PTPRM: variants seen among roughly 807,000 people sequenced by gnomAD.
PTPRM encodes receptor-type tyrosine-protein phosphatase mu.
PTPRM carries 47 observed loss-of-function variants against 186.7 expected under a neutral mutation model. The ratio of observed to expected loss-of-function variants is 0.25; its 90% CI spans 0.20 to 0.32. PTPRM has a LOEUF of 0.32. Among genes scored for constraint, PTPRM ranks in the 10% least tolerant of loss-of-function variants. The pLI, the probability that PTPRM is intolerant of heterozygous loss-of-function variation, is 1.00. For missense variants in PTPRM, 1,494 were observed against 1,865.0 expected (o/e 0.80, Z 3.66); for synonymous variants, 668 against 674.9 (o/e 0.99, Z 0.16).
At chr18:8,304,965 T>C (rs1393844103) in intron 20 of PTPRM, among the ~76,000 whole-genome samples, 1 of 152,184 alleles carries the variant, frequency 6.6e-6, no homozygotes. Flanking sequence ...CTCCAGATTT[T>C]ATCCCCTGCA....
intron 29 of PTPRM, among the ~76,000 whole-genome samples, chr18:8,381,193 T>A (rs1187251032): frequency 6.6e-6 from 1 of 152,040 alleles, no homozygotes; most frequent in Non-Finnish European, 1.5e-5. Flanking sequence ...ATTAGCACAG[T>A]GGTCCTTTAG....
intron 7 of PTPRM, among the ~76,000 whole-genome samples, chr18:8,002,117 T>C (rs1052201537): frequency 3.3e-5 from 5 of 152,200 alleles, no homozygotes; most frequent in African/African-American, 1.2e-4. Context: ...ATTCACACTC[T>C]ATCTAGATTT....
In PTPRM at chr18:7,827,324, C is replaced by G. The variant is rs139138752; in HGVS notation, c.196+53053C>G. Among the ~76,000 whole-genome samples the G allele has an allele frequency of 2.3e-3, 346 of 152,198 alleles. 1 individual carries two copies. Among genetic ancestry groups the G allele is most frequent in the African/African-American group, 8.0e-3 (331 of 41,520 alleles). ...CCCTTATTTTTCTTCTCATAGCTGT[C>G]GAATCGATTTCATTAAAGATAGCTG... On this transcript the variant is annotated intron_variant, in intron 2 of 32. Coordinates refer to ENST00000580170, the MANE Select transcript of PTPRM (RefSeq NM_001105244.2).
intron 19 of PTPRM, among the ~76,000 whole-genome samples, chr18:8,276,843 G>A (rs1438299993): frequency 6.6e-6 from 1 of 152,124 alleles, no homozygotes; most frequent in East Asian, 1.9e-4. Context: ...GTTGGAGCAG[G>A]TCTTCTATGT....
chr18:8,032,448 A>G (rs2148072103), intron 7 of PTPRM, among the ~76,000 whole-genome samples: 1 of 152,262 alleles, frequency 6.6e-6, no homozygotes, highest in Non-Finnish European at 1.5e-5. Context: ...CAGCATCAAT[A>G]AAGAGTATAC....
chr18:8,239,794 T>C (rs2094395181), intron 14 of PTPRM, among the ~76,000 whole-genome samples: 1 of 152,226 alleles, frequency 6.6e-6, no homozygotes, highest in Non-Finnish European at 1.5e-5. Context: ...CAAACTCCTT[T>C]CATGCCAGGC....
intron 1 of PTPRM, among the ~76,000 whole-genome samples, chr18:7,695,871 A>G (rs1461564559): frequency 1.3e-5 from 2 of 152,242 alleles, no homozygotes; most frequent in East Asian, 3.8e-4. Context: ...TCTCATAATC[A>G]TTTAAAGATA....
intron 1 of PTPRM, among the ~76,000 whole-genome samples, chr18:7,592,359 T>C (rs564286368): frequency 5.9e-4 from 90 of 152,290 alleles, no homozygotes; most frequent in African/African-American, 2.0e-3. Context: ...AATTTTGCCT[T>C]TTCAGTGCTT....
At chr18:7,607,180 C>T (rs936713875) in intron 1 of PTPRM, among the ~76,000 whole-genome samples, 4 of 152,116 alleles carry the variant, frequency 2.6e-5, no homozygotes, top group African/African-American at 9.7e-5. Flanking sequence ...AACATTCTCA[C>T]CAGCTCCTTA....
intron 2 of PTPRM, among the ~76,000 whole-genome samples, chr18:7,870,314 G>T (rs1386349138): frequency 6.6e-6 from 1 of 152,084 alleles, no homozygotes; most frequent in African/African-American, 2.4e-5. Context: ...CTGCAACTTG[G>T]CATGACTGTA....
chr18:8,316,674 G>C (rs1174848737), intron 21 of PTPRM, among the ~76,000 whole-genome samples: 1 of 152,176 alleles, frequency 6.6e-6, no homozygotes, highest in Non-Finnish European at 1.5e-5. Flanking sequence ...CTAATTAGGA[G>C]AAATGGGCAA....
At chr18:7,883,897 T>A (rs2146306750) in intron 2 of PTPRM, among the ~76,000 whole-genome samples, 1 of 152,234 alleles carries the variant, frequency 6.6e-6, no homozygotes, top group Admixed American at 6.5e-5. Flanking sequence ...ATCCTAACAT[T>A]TGGGAGGGTG....
intron 22 of PTPRM, among the ~76,000 whole-genome samples, chr18:8,328,893 T>G (rs960288718): frequency 6.6e-6 from 1 of 152,240 alleles, no homozygotes; most frequent in Non-Finnish European, 1.5e-5. Flanking sequence ...TTCATAGACA[T>G]TTCTCATCCC....
At chr18:8,268,236 G>T (rs896131238) in intron 19 of PTPRM, among the ~76,000 whole-genome samples, 2 of 152,006 alleles carry the variant, frequency 1.3e-5, no homozygotes, top group Non-Finnish European at 2.9e-5. Context: ...CCATTTGTTT[G>T]GATCTTCTTT....
chr18:7,822,141 CT>C (rs2045233311), intron 2 of PTPRM, among the ~76,000 whole-genome samples: 1 of 152,186 alleles, frequency 6.6e-6, no homozygotes, highest in African/African-American at 2.4e-5. Flanking sequence ...CTGATGTGTA[CT>C]TTTAAACTAT....
intron 7 of PTPRM, among the ~76,000 whole-genome samples, chr18:7,979,909 C>G (rs1336290902): frequency 6.6e-6 from 1 of 152,154 alleles, no homozygotes; most frequent in Non-Finnish European, 1.5e-5. Context: ...TTGTCCCGCC[C>G]TGGGTTGATC....
At chr18:8,244,650 G>C (rs1462549879) in intron 15 of PTPRM, among the ~76,000 whole-genome samples, 1 of 152,132 alleles carries the variant, frequency 6.6e-6, no homozygotes, top group African/African-American at 2.4e-5. Flanking sequence ...CTTTATTATA[G>C]GGCTGTCAGT....
rs533423695 is a variant in PTPRM at position 7,900,544 on chromosome 18, GGT to G, written c.469-5944_469-5943del. ...GAACCTGTGTATCTATACATTAAAAGGTGTGTGTGTGTGTGTGTATATATATG... is the reference window on the plus strand; with the variant it reads ...GAACCTGTGTATCTATACATTAAAAGGTGTGTGTGTGTGTGTATATATATG... On this transcript the variant is annotated intron_variant, in intron 3 of 32. Transcript: ENST00000580170. Among the ~76,000 whole-genome samples the G allele has an allele frequency of 2.9e-3, 444 of 150,700 alleles. 3 individuals carry two copies. Among genetic ancestry groups the G allele is most frequent in the Middle Eastern group, 0.01 (3 of 290 alleles).
At chr18:8,350,153 C>T (rs1293687167) in intron 23 of PTPRM, among the ~76,000 whole-genome samples, 2 of 152,202 alleles carry the variant, frequency 1.3e-5, no homozygotes, top group South Asian at 2.1e-4. Flanking sequence ...GCCTTGAAAA[C>T]ACTCTTTCCT....
Sources: allele counts gnomAD v4.1 joint callset (sites outside exome capture counted in the v4.1 genomes callset), GRCh38; gene constraint gnomAD v4.1.1; transcripts MANE v1.5; gene names NCBI Gene and HGNC (gene_info 2026-07-23, HGNC 2026-07-21).